The following QTGAL variants were observed in gnomAD, a reference collection of about 807,000 sequenced individuals.
QTGAL encodes BGnT-like protein 1.
chr17:82,983,444 C>G, the QTGAL span, among the ~76,000 whole-genome samples: 1 of 152,196 alleles, frequency 6.6e-6, no homozygotes, highest in African/African-American at 2.4e-5. Context: ...CACGTGGACT[C>G]AGTGTGACAC....
At chr17:82,980,487 CA>C in the QTGAL span, among the ~76,000 whole-genome samples, 1 of 152,234 alleles carries the variant, frequency 6.6e-6, no homozygotes, top group African/African-American at 2.4e-5. Flanking sequence ...CTTCCAATGC[CA>C]ACTGAAGTCC....
the QTGAL span, chr17:82,942,168 TTTTA>T: frequency 3.6e-6 from 2 of 550,446 alleles, no homozygotes; most frequent in African/African-American, 1.9e-5. Context: ...CTTTTTACAT[TTTTA>T]TTAGGAAAAA....
At chr17:83,026,254 C>T in the QTGAL span, among the ~76,000 whole-genome samples, 2 of 152,178 alleles carry the variant, frequency 1.3e-5, no homozygotes, top group African/African-American at 4.8e-5. Context: ...CTTCCGTGCC[C>T]TGGGAGCTGG....
At chr17:83,050,666 A>G in the QTGAL span, among the ~76,000 whole-genome samples, 3 of 152,316 alleles carry the variant, frequency 2.0e-5, no homozygotes, top group Non-Finnish European at 2.9e-5. Context: ...GCATCGGCCT[A>G]TTGGCTGGGT....
chr17:82,975,876 G>A, the QTGAL span, among the ~76,000 whole-genome samples: 1 of 45,600 alleles, frequency 2.2e-5, no homozygotes, highest in African/African-American at 1.7e-4. Context: ...CCTCCCAGGG[G>A]CCGGAGGCCA....
the QTGAL span, among the ~76,000 whole-genome samples, chr17:83,032,402 CCA>C: frequency 4.4e-5 from 4 of 90,956 alleles, no homozygotes; most frequent in Admixed American, 1.2e-4. Flanking sequence ...AGCTGAACAA[CCA>C]GGTCAGACCA....
the QTGAL span, among the ~76,000 whole-genome samples, chr17:83,046,257 G>C: frequency 6.6e-6 from 1 of 151,974 alleles, no homozygotes; most frequent in Non-Finnish European, 1.5e-5. Flanking sequence ...AGCCTCCCAA[G>C]TGGCTGAGAT....
the QTGAL span, among the ~76,000 whole-genome samples, chr17:82,995,223 T>C: frequency 5.3e-5 from 8 of 152,026 alleles, no homozygotes; most frequent in African/African-American, 1.7e-4. Context: ...GGCATCCAAA[T>C]TGGAAAGGAA....
the QTGAL span, among the ~76,000 whole-genome samples, chr17:83,034,321 C>T: frequency 6.6e-6 from 1 of 152,236 alleles, no homozygotes; most frequent in Non-Finnish European, 1.5e-5. Context: ...GATTTCATCC[C>T]AGTTTATCTT....
chr17:83,013,438 C>T, the QTGAL span, among the ~76,000 whole-genome samples: 3 of 128,194 alleles, frequency 2.3e-5, no homozygotes, highest in Non-Finnish European at 5.0e-5. Flanking sequence ...CCCTTTCCCC[C>T]CTCCCAACCC....
chr17:82,947,158 G>A, the QTGAL span: 29 of 563,502 alleles, frequency 5.1e-5, no homozygotes, highest in African/African-American at 1.9e-4. Context: ...GGCAGCAGCC[G>A]GCACTGCTTG....
chr17:83,038,043 C>T, the QTGAL span, among the ~76,000 whole-genome samples: 1 of 152,024 alleles, frequency 6.6e-6, no homozygotes, highest in African/African-American at 2.4e-5. Context: ...TTTTAGCAAG[C>T]GGCGACGTTA....
chr17:82,979,735 C>G, the QTGAL span, among the ~76,000 whole-genome samples: 2 of 152,164 alleles, frequency 1.3e-5, no homozygotes, highest in African/African-American at 4.8e-5. Context: ...CAGCTAGATT[C>G]TTTGTAAATA....
chr17:83,031,668 C>T, the QTGAL span, among the ~76,000 whole-genome samples: 316 of 152,354 alleles, frequency 2.1e-3, no homozygotes, highest in Non-Finnish European at 3.4e-3. Context: ...TGTCACGTGA[C>T]GAGAACGGTG....
At chr17:82,960,998 G>A in the QTGAL span, 40 of 1,557,114 alleles carry the variant, frequency 2.6e-5, no homozygotes, top group East Asian at 1.2e-4. Flanking sequence ...CCCCGACCTC[G>A]GGCGCCTCCC....
At chr17:83,046,949 A>T in the QTGAL span, among the ~76,000 whole-genome samples, 1 of 152,254 alleles carries the variant, frequency 6.6e-6, no homozygotes. Context: ...ACGTTATGCT[A>T]AATGAAGCCG....
chr17:82,968,524 C>T, the QTGAL span, among the ~76,000 whole-genome samples: 37 of 145,966 alleles, frequency 2.5e-4, no homozygotes, highest in African/African-American at 8.2e-4. Flanking sequence ...CCAGTGTGCA[C>T]GGTGCACAGA....
the QTGAL span, chr17:82,945,581 AAATT>A: frequency 6.6e-6 from 1 of 152,120 alleles, no homozygotes; most frequent in Admixed American, 6.5e-5. Flanking sequence ...GAAGAGAACA[AAATT>A]AAGTCATTTA....
the QTGAL span, among the ~76,000 whole-genome samples, chr17:83,033,374 G>C: frequency 6.6e-6 from 1 of 152,126 alleles, no homozygotes; most frequent in Non-Finnish European, 1.5e-5. Flanking sequence ...CAAGAAGGAA[G>C]CTGAGGAGTG....
Sources: allele counts gnomAD v4.1 joint callset (sites outside exome capture counted in the v4.1 genomes callset), GRCh38; gene constraint gnomAD v4.1.1; transcripts MANE v1.5; gene names NCBI Gene and HGNC (gene_info 2026-07-23, HGNC 2026-07-21).